Variants in PNPLA4 observed in about 807,000 individuals in gnomAD.
PNPLA4 encodes patatin-like phospholipase domain-containing protein 4.
PNPLA4 carries 15 observed loss-of-function variants against 18.3 expected under a neutral mutation model. The observed-to-expected ratio is 0.82, with a 90% CI of 0.55 to 1.26. The LOEUF (loss-of-function observed/expected upper bound fraction) is 1.26, where lower values mean the gene tolerates loss of function less well. Ranked by LOEUF, PNPLA4 falls within the 50% of genes most tolerant of loss-of-function variation. The probability of loss-of-function intolerance (pLI) is 0.00; values close to 1 mark genes in which losing one functional copy is unlikely to be tolerated. For synonymous variants in PNPLA4, 88 were observed against 85.6 expected (o/e 1.03, Z -0.16); for missense variants, 229 against 196.8 (o/e 1.16, Z -0.98).
chrX:7,920,621 A>T, intron 4 of PNPLA4, among the ~76,000 whole-genome samples: 1 of 112,216 alleles, frequency 8.9e-6, no homozygotes, highest in Non-Finnish European at 1.9e-5. Flanking sequence ...TACATTCTCC[A>T]TATTACCTGA....
At chrX:7,926,362 A>T (rs1183633492) in intron 1 of PNPLA4, among the ~76,000 whole-genome samples, 1 of 112,317 alleles carries the variant, frequency 8.9e-6, no homozygotes, top group Non-Finnish European at 1.9e-5. Flanking sequence ...AAACAAAAAC[A>T]TTCCACATTT....
At chrX:7,919,245 C>T (rs1201632665) in intron 4 of PNPLA4, among the ~76,000 whole-genome samples, 5 of 112,662 alleles carry the variant, frequency 4.4e-5, no homozygotes, top group African/African-American at 1.6e-4. Context: ...AATTTAACCC[C>T]TTCAAACAAG....
chrX:7,914,554 T>C (rs1274561538), intron 4 of PNPLA4, among the ~76,000 whole-genome samples: 1 of 112,281 alleles, frequency 8.9e-6, no homozygotes, highest in Admixed American at 9.4e-5. Flanking sequence ...TTTAATGAAG[T>C]TATTCAGCAA....
chrX:7,898,247 G>A lies in PNPLA4; in HGVS notation c.*2439C>T, dbSNP rs1295933489. 1 of 111,845 alleles carries A rather than the reference G, an allele frequency of 8.9e-6. No individual in the cohort carries two copies. The highest frequency in any genetic ancestry group is 2.8e-4 in the East Asian group (1 of 3,591). 9.2% of individuals were successfully genotyped at this position (111,845 alleles called of 1,213,427 possible). A position where few individuals can be genotyped will look rare whatever the true frequency, so the allele number is the denominator to read the frequency against. ...AGTGTCTTATTGAAAAGAAGAAAAG[G>A]AAGACTAATGACATTTTTAATGACA... On this transcript the variant is annotated 3_prime_UTR_variant, in exon 7 of 7. Coordinates refer to ENST00000381042, the MANE Select transcript of PNPLA4 (RefSeq NM_004650.3).
intron 4 of PNPLA4, among the ~76,000 whole-genome samples, chrX:7,914,226 C>T (rs1157301475): frequency 8.9e-6 from 1 of 111,920 alleles, no homozygotes; most frequent in African/African-American, 3.3e-5. Flanking sequence ...TTAAATGGCC[C>T]GCATAATGCA....
intron 2 of PNPLA4, among the ~76,000 whole-genome samples, chrX:7,924,451 A>C (rs1160913310): frequency 8.9e-6 from 1 of 112,356 alleles, no homozygotes; most frequent in Non-Finnish European, 1.9e-5. Context: ...AATAACCTTA[A>C]GTCAAAGGGT....
intron 4 of PNPLA4, among the ~76,000 whole-genome samples, chrX:7,917,666 T>A (rs1271516309): frequency 8.9e-6 from 1 of 112,297 alleles, no homozygotes; most frequent in Non-Finnish European, 1.9e-5. Context: ...TTAGTATTAC[T>A]GTGTGAATTA....
At chrX:7,908,876 C>T (rs760048330) in intron 5 of PNPLA4, among the ~76,000 whole-genome samples, 19 of 111,617 alleles carry the variant, frequency 1.7e-4, no homozygotes, top group Non-Finnish European at 2.8e-4. Flanking sequence ...TGGGCCTGTG[C>T]GTTCCCTGCT....
chrX:7,924,569 C>A (rs1924333785), intron 2 of PNPLA4, among the ~76,000 whole-genome samples: 1 of 111,919 alleles, frequency 8.9e-6, no homozygotes, highest in South Asian at 3.7e-4. Flanking sequence ...AAGACACACA[C>A]CTTTTCATCA....
Position 7,900,612 on chromosome X carries a change from T to G in PNPLA4, c.*74A>C. 8 of 713,483 alleles carry G rather than the reference T, an allele frequency of 1.1e-5. No homozygotes were observed. Among genetic ancestry groups the G allele is most frequent in the Middle Eastern group, 9.4e-4 (2 of 2,117 alleles). 58.8% of individuals were successfully genotyped at this position (713,483 alleles called of 1,213,427 possible). On this transcript the variant is annotated 3_prime_UTR_variant, in exon 7 of 7. Coordinates refer to ENST00000381042, the MANE Select transcript of PNPLA4 (RefSeq NM_004650.3). ...TACAATTGAGTCATGATAGATTTTC[T>G]AAAAAGGATTTGATTAGAAACTTCC...
intron 5 of PNPLA4, among the ~76,000 whole-genome samples, chrX:7,903,274 GTTTATTTA>G (rs55848008): frequency 0.35 from 32,567 of 92,737 alleles, 4,632 homozygotes; most frequent in South Asian, 0.38. Flanking sequence ...TCCTTCTTGT[GTTTATTTA>G]TTTATTTATT....
At chrX:7,923,501 T>C (rs1474395211) in intron 2 of PNPLA4, among the ~76,000 whole-genome samples, 4 of 111,792 alleles carry the variant, frequency 3.6e-5, no homozygotes, top group Admixed American at 2.8e-4. Flanking sequence ...AGCTGGAAGA[T>C]GATAAACACA....
chrX:7,922,870 G>T (rs1332950704), intron 2 of PNPLA4, among the ~76,000 whole-genome samples: 1 of 112,137 alleles, frequency 8.9e-6, no homozygotes, highest in East Asian at 2.8e-4. Context: ...GACTTGGAGA[G>T]GACAAGATAC....
In PNPLA4 at chrX:7,921,824, A is replaced by G; in HGVS notation, c.300T>C (p.Pro100=). The part of the protein sequence containing the change: ...RLRSGMESIL[P]PSAHELAQNR... Reference sequence around the variant, plus strand: ...TCTGGGCCAGCTCGTGAGCGCTGGGAGGAAGAATCGACTCCATCCCACTTC... The same window carrying G: ...TCTGGGCCAGCTCGTGAGCGCTGGGGGGAAGAATCGACTCCATCCCACTTC... Residue 100 remains proline (P), a synonymous_variant, in exon 4 of 7, where the codon CCT becomes CCC. Coordinates refer to ENST00000381042, the MANE Select transcript of PNPLA4 (RefSeq NM_004650.3). The G allele has an allele frequency of 8.4e-7, 1 of 1,196,333 alleles. No individual in the cohort carries two copies. The highest frequency in any genetic ancestry group is 1.1e-6 in the Non-Finnish European group (1 of 882,630).
At position 7,899,618 on chromosome X, in the gene PNPLA4, AGGTATGGC is replaced by A; in HGVS notation, c.*1060_*1067del. 1.1e-5 allele frequency: 1 copy of A among 91,001 alleles called. No homozygotes were observed. The allele number at this position is 91,001 out of a possible 1,213,427, so 7.5% of individuals were successfully genotyped here. A position where few individuals can be genotyped will look rare whatever the true frequency, so the allele number is the denominator to read the frequency against. On this transcript the variant is annotated 3_prime_UTR_variant, in exon 7 of 7. Coordinates refer to ENST00000381042, the MANE Select transcript of PNPLA4 (RefSeq NM_004650.3). ...TAGAACAATAGCTAAATACTCAGAG[AGGTATGGC>A]GAGAGAGAGAGAGAGAGAGAGAGAG... is the stretch of plus-strand genomic sequence containing the variant.
chrX:7,907,299 G>T (rs1453766802), intron 5 of PNPLA4, among the ~76,000 whole-genome samples: 1 of 112,204 alleles, frequency 8.9e-6, no homozygotes, highest in East Asian at 2.8e-4. Context: ...AATTACAGGC[G>T]TGAGCCACTG....
At position 7,921,797 on chromosome X, in the gene PNPLA4, G is replaced by C. The variant is rs1416649699; in HGVS notation, c.327C>G (p.Asn109Lys). Reference sequence around the variant, plus strand: ...CGTTGGTGATGGATACGTGCAGTCGGTTCTGGGCCAGCTCGTGAGCGCTGG... The same window carrying C: ...CGTTGGTGATGGATACGTGCAGTCGCTTCTGGGCCAGCTCGTGAGCGCTGG... ...LPPSAHELAQ[N>K]RLHVSITNAK... The change falls in exon 4 of 7, where the codon AAC (asparagine) becomes AAG (lysine). Residue 109 changes from asparagine (N) to lysine (K), a missense_variant. Physicochemically the swap from Asn to Lys is moderately conservative, Grantham distance 94 (BLOSUM62 0). Coordinates refer to ENST00000381042, the MANE Select transcript of PNPLA4 (RefSeq NM_004650.3). The C allele has an allele frequency of 8.3e-7, 1 of 1,207,179 alleles. No homozygotes were observed. The highest frequency in any genetic ancestry group is 2.2e-5 in the Admixed American group (1 of 46,031).
At chrX:7,903,282 A>G (rs1457341397) in intron 5 of PNPLA4, among the ~76,000 whole-genome samples, 8 of 48,136 alleles carry the variant, frequency 1.7e-4, no homozygotes, top group South Asian at 9.7e-4. Flanking sequence ...GTGTTTATTT[A>G]TTTATTTATT....
At chrX:7,911,423 G>A (rs1923871739) in intron 5 of PNPLA4, among the ~76,000 whole-genome samples, 1 of 85,697 alleles carries the variant, frequency 1.2e-5, no homozygotes, top group Admixed American at 1.3e-4. Flanking sequence ...ACAGAAGGAA[G>A]CTGGGTCACA....
Sources: gnomAD v4.1 joint callset for allele counts (sites outside exome capture counted in the v4.1 genomes callset) on GRCh38, gnomAD v4.1.1 for gene constraint, MANE v1.5 for transcripts, NCBI Gene and HGNC (gene_info 2026-07-23, HGNC 2026-07-21) for gene names.